The following PAPSS2 variants were observed in gnomAD, a reference collection of about 807,000 sequenced individuals.
PAPSS2 encodes the protein bifunctional 3'-phosphoadenosine 5'-phosphosulfate synthase 2.
In PAPSS2, 61 loss-of-function variants were observed where a neutral mutation model predicts 66.5. The observed-to-expected ratio is 0.92, with a 90% CI of 0.75 to 1.14. The LOEUF (loss-of-function observed/expected upper bound fraction) is 1.14, where lower values mean the gene tolerates loss of function less well. PAPSS2 is among the 50% of genes most tolerant of loss of function. The pLI, the probability that PAPSS2 is intolerant of heterozygous loss-of-function variation, is 0.00. For synonymous variants in PAPSS2, 289 were observed against 287.5 expected (o/e 1.01, Z -0.05); for missense variants, 708 against 789.6 (o/e 0.90, Z 1.24).
At chr10:87,668,305 A>T (rs1852837620) in intron 1 of PAPSS2, among the ~76,000 whole-genome samples, 1 of 152,136 alleles carries the variant, frequency 6.6e-6, no homozygotes, top group Non-Finnish European at 1.5e-5. Context: ...TCCTGTCAAA[A>T]TCCTCACGTA....
At chr10:87,683,087 CTTTTTTCTTTTTTTTT>C (rs1853043548) in intron 1 of PAPSS2, among the ~76,000 whole-genome samples, 1 of 127,124 alleles carries the variant, frequency 7.9e-6, no homozygotes, top group South Asian at 2.7e-4. Flanking sequence ...TTTCCTTTTT[CTTTTTTCTTTTTTTTT>C]TTTTTGAGAC....
At chr10:87,741,628 C>T (rs1301578472) in intron 10 of PAPSS2, among the ~76,000 whole-genome samples, 1 of 152,206 alleles carries the variant, frequency 6.6e-6, no homozygotes, top group Non-Finnish European at 1.5e-5. Flanking sequence ...CTCCTGACCT[C>T]AGGTGATCCC....
chr10:87,666,433 C>T (rs1223962316), intron 1 of PAPSS2, among the ~76,000 whole-genome samples: 2 of 152,170 alleles, frequency 1.3e-5, no homozygotes, highest in African/African-American at 2.4e-5. Context: ...AGACCTGTGT[C>T]GCTGTCATAA....
chr10:87,747,341 G>T lies in PAPSS2; in HGVS notation c.*1371G>T, dbSNP rs1853954494. 1 of 151,980 alleles carries T rather than the reference G, an allele frequency of 6.6e-6. No homozygotes were observed. Among genetic ancestry groups the T allele is most frequent in the Non-Finnish European group, 1.5e-5 (1 of 68,016 alleles). 9.4% of individuals were successfully genotyped at this position (151,980 alleles called of 1,614,324 possible). ...ACCTTTTAATATATAGGTCTCTCTG[G>T]AAGAGACCTAAATTAGAAAGAGAAA... On this transcript the variant is annotated 3_prime_UTR_variant, in exon 13 of 13. Transcript: ENST00000456849.
chr10:87,686,698 C>T (rs1003932905), intron 1 of PAPSS2, among the ~76,000 whole-genome samples: 19 of 151,994 alleles, frequency 1.3e-4, no homozygotes, highest in Non-Finnish European at 1.5e-5. Context: ...ACTGTTGTCC[C>T]ATGATTTAAT....
chr10:87,742,128 GT>G (rs1238809783), intron 10 of PAPSS2, among the ~76,000 whole-genome samples: 1 of 152,086 alleles, frequency 6.6e-6, no homozygotes, highest in Non-Finnish European at 1.5e-5. Context: ...TATGGAAACA[GT>G]TTTATAAAGT....
Position 87,727,549 on chromosome 10 carries a change from ACT to A in PAPSS2, c.1086+63_1086+64del, listed in dbSNP as rs1396933628. ...GCTATTTAAACTGAGAAGAAAAATA[ACT>A]CTTTTTAATTCCTTTGCAAAGGACT... On this transcript the variant is annotated intron_variant, in intron 9 of 12. Transcript: ENST00000456849. 4 of 1,355,526 alleles carry A rather than the reference ACT, an allele frequency of 3.0e-6. No individual in the cohort carries two copies. In the African/African-American group the frequency reaches 5.8e-5, roughly 20 times the overall value. The allele number at this position is 1,355,526 out of a possible 1,614,324, so 84.0% of individuals were successfully genotyped here.
chr10:87,689,349 A>AC (rs1305670195), intron 1 of PAPSS2, among the ~76,000 whole-genome samples: 1 of 150,920 alleles, frequency 6.6e-6, no homozygotes, highest in African/African-American at 2.4e-5. Flanking sequence ...TCAAAAAAAA[A>AC]AAAAAACAAA....
intron 1 of PAPSS2, among the ~76,000 whole-genome samples, chr10:87,684,520 A>G (rs1413714190): frequency 6.6e-6 from 1 of 152,074 alleles, no homozygotes; most frequent in Non-Finnish European, 1.5e-5. Flanking sequence ...GCTATAGATT[A>G]TTTGCTTTGC....
intron 9 of PAPSS2, among the ~76,000 whole-genome samples, chr10:87,735,282 C>T (rs144603346): frequency 6.6e-6 from 1 of 152,124 alleles, no homozygotes; most frequent in East Asian, 1.9e-4. Context: ...GATAGAGATG[C>T]CCCTTGTCCC....
chr10:87,736,848 T>TC (rs1214019078), intron 9 of PAPSS2, among the ~76,000 whole-genome samples: 1 of 152,200 alleles, frequency 6.6e-6, no homozygotes, highest in Non-Finnish European at 1.5e-5. Context: ...AACTCTCCCT[T>TC]CTCCTTCTAT....
intron 1 of PAPSS2, among the ~76,000 whole-genome samples, chr10:87,678,741 C>A (rs1230701375): frequency 6.6e-6 from 1 of 152,122 alleles, no homozygotes; most frequent in Non-Finnish European, 1.5e-5. Flanking sequence ...TATTACCTCA[C>A]CTCATGTAGA....
At chr10:87,737,147 A>C (rs1304306482) in intron 9 of PAPSS2, among the ~76,000 whole-genome samples, 1 of 152,106 alleles carries the variant, frequency 6.6e-6, no homozygotes, top group East Asian at 1.9e-4. Flanking sequence ...TCTTCCCACC[A>C]AGGGTCTCCT....
chr10:87,703,983 C>A, intron 1 of PAPSS2: 1 of 488,806 alleles, frequency 2.0e-6, no homozygotes, highest in Non-Finnish European at 4.0e-6. Context: ...ACTTTCTTTC[C>A]AAAGCTTAGA....
chr10:87,677,818 C>A (rs965262264), intron 1 of PAPSS2, among the ~76,000 whole-genome samples: 17 of 152,324 alleles, frequency 1.1e-4, no homozygotes, highest in African/African-American at 4.1e-4. Context: ...CTTTGAACCA[C>A]TCTCTAACTA....
intron 8 of PAPSS2, among the ~76,000 whole-genome samples, chr10:87,725,964 A>C (rs552897560): frequency 1.3e-5 from 2 of 151,558 alleles, no homozygotes; most frequent in Non-Finnish European, 2.9e-5. Flanking sequence ...GGCTGGTCAC[A>C]AACTCTTGGC....
At chr10:87,741,825 T>G (rs910044249) in intron 10 of PAPSS2, among the ~76,000 whole-genome samples, 10 of 152,200 alleles carry the variant, frequency 6.6e-5, no homozygotes, top group African/African-American at 2.2e-4. Flanking sequence ...GGCATGACCA[T>G]AGCTCACTGC....
At chr10:87,736,263 C>CTTTTTTTTTTTTT (rs10553485) in intron 9 of PAPSS2, among the ~76,000 whole-genome samples, 113 of 103,200 alleles carry the variant, frequency 1.1e-3, no homozygotes, top group Non-Finnish European at 1.6e-3. Flanking sequence ...TTCTTTCTTT[C>CTTTTTTTTTTTTT]TTTTTTTTTT....
chr10:87,743,401 T>C lies in PAPSS2; in HGVS notation c.1251T>C (p.Asn417=). ...CGGTGTTTGCATTCCAGTTGCGCAA[T>C]CCTGTCCACAATGGCCATGCCCTGT... is the stretch of plus-strand genomic sequence containing the variant. The part of the protein sequence containing the change: ...ADAVFAFQLR[N]PVHNGHALLM... The change falls in exon 11 of 13, where the codon AAT becomes AAC. Residue 417 remains asparagine (N), a synonymous_variant. Coordinates refer to ENST00000456849, the MANE Select transcript of PAPSS2 (RefSeq NM_001015880.2). The C allele has an allele frequency of 1.2e-6, 2 of 1,613,928 alleles. No homozygotes were observed. The highest frequency in any genetic ancestry group is 1.7e-6 in the Non-Finnish European group (2 of 1,179,886).
Sources: gnomAD v4.1 joint callset for allele counts (sites outside exome capture counted in the v4.1 genomes callset) on GRCh38, gnomAD v4.1.1 for gene constraint, MANE v1.5 for transcripts, NCBI Gene and HGNC (gene_info 2026-07-23, HGNC 2026-07-21) for gene names.